Variants in ITGB2 observed in about 807,000 individuals in gnomAD.
ITGB2 encodes the protein integrin beta-2.
Under a neutral mutation model 86.8 loss-of-function variants are expected in ITGB2, and 56 were observed. That is an observed-to-expected ratio of 0.65 (90% CI 0.52 to 0.81). ITGB2 has a LOEUF of 0.81. Among genes scored for constraint, ITGB2 ranks in the 30% least tolerant of loss-of-function variants. The pLI, the probability that ITGB2 is intolerant of heterozygous loss-of-function variation, is 0.00. For synonymous variants in ITGB2, 457 were observed against 450.4 expected (o/e 1.01, Z -0.19); for missense variants, 948 against 1,061.2 (o/e 0.89, Z 1.48).
At chr21:44,888,958 C>G in intron 13 of ITGB2, 63 bp from the exon 14 acceptor site, 2 of 1,410,406 alleles carry the variant, frequency 1.4e-6, no homozygotes, top group African/African-American at 1.5e-5. Context: ...AACGGGGGCT[C>G]GGGCTTGGGT....
chr21:44,924,621 A>G (rs934230175), upstream of ITGB2, among the ~76,000 whole-genome samples: 1 of 152,224 alleles, frequency 6.6e-6, no homozygotes, highest in African/African-American at 2.4e-5. Flanking sequence ...CACAAAGACC[A>G]TAAGGAGGCC....
intron 2 of ITGB2, 159 bp from the exon 3 acceptor site, chr21:44,910,531 G>A (rs1440981741): frequency 1.0e-5 from 15 of 1,484,068 alleles, no homozygotes; most frequent in Admixed American, 2.0e-5. Context: ...GCAAAGAGGG[G>A]CCCTCGGGAA....
chr21:44,920,622 G>A (rs559535370), intron 1 of ITGB2, among the ~76,000 whole-genome samples, 199 bp downstream of exon 1: 23 of 152,330 alleles, frequency 1.5e-4, no homozygotes, highest in Admixed American at 1.5e-3. Flanking sequence ...ACACCATGTG[G>A]CTCTGCTCTT....
At chr21:44,913,836 G>A (rs1289083468) in intron 1 of ITGB2, among the ~76,000 whole-genome samples, 2 of 152,188 alleles carry the variant, frequency 1.3e-5, no homozygotes, top group Admixed American at 6.5e-5. Flanking sequence ...GGAGGTGGTC[G>A]AAGGGCCTGT....
intron 9 of ITGB2, 199 bp from the exon 10 acceptor site, chr21:44,893,743 C>T: frequency 1.5e-6 from 1 of 657,376 alleles, no homozygotes; most frequent in Non-Finnish European, 2.7e-6. Context: ...TCGAGACAGC[C>T]TGACCACAGG....
In ITGB2 at chr21:44,899,699, C is replaced by T. The variant is rs371717400; in HGVS notation, c.898-537G>A. ...CCCCTTGTGACCAGTGGTTGCCTCT[C>T]GGCCCACGGCTGATCCCAGCCAGAA... On this transcript the variant is annotated intron_variant, in intron 7 of 15. Coordinates refer to ENST00000652462, the MANE Select transcript of ITGB2 (RefSeq NM_000211.5). 2.0e-4 allele frequency among the ~76,000 whole-genome samples: 31 copies of T among 152,320 alleles called. No homozygotes were observed. The East Asian group carries it at 3.3e-3, about 16-fold the overall frequency.
At position 44,889,402 on chromosome 21, in the gene ITGB2, T is replaced by G; in HGVS notation, c.1751A>C (p.Asn584Thr). Reference protein sequence around the residue: ...QCERTTEGCLNPRRVECSGRG... With the variant: ...QCERTTEGCLTPRRVECSGRG... Reference sequence around the variant, plus strand: ...ACCACTACACTCAACACGCCGCGGGTTCAGGCAGCCCTCAGTGGTCCTCTC... The same window carrying G: ...ACCACTACACTCAACACGCCGCGGGGTCAGGCAGCCCTCAGTGGTCCTCTC... Residue 584 changes from asparagine (N) to threonine (T), a missense_variant, in exon 13 of 16, where the codon AAC becomes ACC. Asn to Thr is a moderately conservative substitution (Grantham distance 65). Transcript: ENST00000652462. 2 of 1,612,454 alleles carry G rather than the reference T, an allele frequency of 1.2e-6. No individual in the cohort carries two copies. The highest frequency in any genetic ancestry group is 1.7e-6 in the Non-Finnish European group (2 of 1,179,710).
chr21:44,920,754 G>C (rs752751561), intron 1 of ITGB2, 67 bp downstream of exon 1: 8 of 152,470 alleles, frequency 5.2e-5, no homozygotes, highest in Admixed American at 2.6e-4. Context: ...GGTCACTCCA[G>C]GCTGGGGCAG....
intron 3 of ITGB2, chr21:44,908,133 C>A: frequency 1.4e-6 from 1 of 735,966 alleles, no homozygotes; most frequent in Non-Finnish European, 2.5e-6. Context: ...GCTTCTCCTC[C>A]GGGGACTGCT....
At chr21:44,922,085 A>C (rs1316470410), upstream of ITGB2, among the ~76,000 whole-genome samples, 1 of 152,248 alleles carries the variant, frequency 6.6e-6, no homozygotes, top group Non-Finnish European at 1.5e-5. Flanking sequence ...TGAGAAATAC[A>C]AGAGCAGATG....
chr21:44,919,504 C>T (rs1487671585), intron 1 of ITGB2, among the ~76,000 whole-genome samples: 1 of 152,172 alleles, frequency 6.6e-6, no homozygotes. Context: ...GTGAGCTGGG[C>T]TTCACTCATG....
intron 4 of ITGB2, among the ~76,000 whole-genome samples, chr21:44,906,682 G>C (rs917144167): frequency 1.3e-5 from 2 of 152,156 alleles, no homozygotes; most frequent in Non-Finnish European, 2.9e-5. Context: ...AGAGAGTGCA[G>C]ACACTGGGCA....
Position 44,893,559 on chromosome 21 carries a change from C to A in ITGB2, c.1084-15G>T, listed in dbSNP as rs376782094. 9.3e-6 allele frequency: 15 copies of A among 1,612,990 alleles called. No homozygotes were observed. The highest frequency in any genetic ancestry group is 1.1e-5 in the Non-Finnish European group (13 of 1,179,386). On this transcript the variant is annotated splice_polypyrimidine_tract_variant and intron_variant, in intron 9 of 15. Transcript: ENST00000652462. ...GAGGAGAGTTTCTGCGGGCAGAGAG[C>A]GGTTACTCTTGGGGGCGAGTGTTTC...
intron 1 of ITGB2, among the ~76,000 whole-genome samples, chr21:44,911,712 C>G (rs960970444): frequency 9.8e-5 from 15 of 152,362 alleles, no homozygotes; most frequent in Admixed American, 9.8e-4. Flanking sequence ...CACGCATCCA[C>G]AGCCAGGGGC....
chr21:44,914,605 A>G (rs888478955), intron 1 of ITGB2, among the ~76,000 whole-genome samples: 16 of 152,196 alleles, frequency 1.1e-4, no homozygotes, highest in Non-Finnish European at 1.2e-4. Context: ...ACAGAAGTCG[A>G]GGACAGGAGA....
chr21:44,901,206 G>A (rs762316804), intron 6 of ITGB2, among the ~76,000 whole-genome samples: 31 of 152,302 alleles, frequency 2.0e-4, no homozygotes, highest in Middle Eastern at 6.8e-3. Flanking sequence ...ACCCTTGGCC[G>A]CTCGCAAAAT....
At chr21:44,928,394 CCA>C (rs745614426) in intron 1 of ITGB2, 2 of 152,314 alleles carry the variant, frequency 1.3e-5, no homozygotes, top group African/African-American at 2.4e-5. Flanking sequence ...TCCAGTCCGT[CCA>C]CATGGCCCAG....
At chr21:44,905,173 G>A (rs1366601763) in intron 4 of ITGB2, among the ~76,000 whole-genome samples, 2 of 152,140 alleles carry the variant, frequency 1.3e-5, no homozygotes, top group African/African-American at 2.4e-5. Context: ...GAGGCTCAGC[G>A]AAGGGCCAGC....
chr21:44,898,785 A>G (rs1487318976), intron 8 of ITGB2, among the ~76,000 whole-genome samples: 1 of 152,252 alleles, frequency 6.6e-6, no homozygotes, highest in African/African-American at 2.4e-5. Context: ...ATTGTGTTGT[A>G]TTCCAGGAAA....
Sources: allele counts gnomAD v4.1 joint callset (sites outside exome capture counted in the v4.1 genomes callset), GRCh38; gene constraint gnomAD v4.1.1; transcripts MANE v1.5; gene names NCBI Gene and HGNC (gene_info 2026-07-23, HGNC 2026-07-21).